Variants in GMPS observed in about 807,000 individuals in gnomAD.
The protein encoded by GMPS is guanosine monophosphate synthase.
A neutral mutation model predicts 77.9 loss-of-function variants in GMPS; 15 were observed. The ratio of observed to expected loss-of-function variants is 0.19; its 90% CI spans 0.13 to 0.30. The LOEUF (loss-of-function observed/expected upper bound fraction) is 0.30, where lower values mean the gene tolerates loss of function less well. Ranked by LOEUF, GMPS falls within the 10% of genes least tolerant of loss-of-function variation. The pLI is 1.00. For missense variants in GMPS, 590 were observed against 838.8 expected (o/e 0.70, Z 3.66); for synonymous variants, 224 against 275.9 (o/e 0.81, Z 1.86).
chr3:155,912,211 CTA>C (rs1755058446), intron 7 of GMPS, among the ~76,000 whole-genome samples: 1 of 152,136 alleles, frequency 6.6e-6, no homozygotes, highest in African/African-American at 2.4e-5. Context: ...GAACATGAGT[CTA>C]TTTTTTTGAA....
chr3:155,877,495 C>T (rs1754078742), intron 1 of GMPS, among the ~76,000 whole-genome samples: 1 of 151,964 alleles, frequency 6.6e-6, no homozygotes, highest in Non-Finnish European at 1.5e-5. Context: ...CATTCTCATC[C>T]CTCCTCCCAA....
intron 3 of GMPS, among the ~76,000 whole-genome samples, chr3:155,902,237 A>G (rs1185878474): frequency 1.3e-5 from 2 of 152,088 alleles, no homozygotes; most frequent in Non-Finnish European, 2.9e-5. Context: ...AATGGACTGG[A>G]GTAGGAAATG....
intron 1 of GMPS, among the ~76,000 whole-genome samples, chr3:155,879,455 T>G (rs909216829): frequency 2.0e-5 from 3 of 151,798 alleles, no homozygotes; most frequent in Non-Finnish European, 4.4e-5. Flanking sequence ...TTAGTAGAGT[T>G]GAAGTTTTCC....
At chr3:155,936,785 T>C (rs757298987) in intron 15 of GMPS, among the ~76,000 whole-genome samples, 2 of 152,172 alleles carry the variant, frequency 1.3e-5, no homozygotes, top group Non-Finnish European at 2.9e-5. Flanking sequence ...ACAAACAGTA[T>C]TCCCCAAATA....
rs1395009367 is a variant in GMPS at position 155,937,572 on chromosome 3, C to G, written c.1981-19C>G. On this transcript the variant is annotated intron_variant, in intron 15 of 15. Coordinates refer to ENST00000496455, the MANE Select transcript of GMPS (RefSeq NM_003875.3). ...ACATGCAGTGGATGCTGACTTTTCT[C>G]TATAATTTTTTTTAATAGGTGGTAT... The G allele has an allele frequency of 8.5e-6, 9 of 1,064,906 alleles. No homozygotes were observed. Among genetic ancestry groups the G allele is most frequent in the Non-Finnish European group, 1.2e-5 (8 of 682,832 alleles). 66.0% of individuals were successfully genotyped at this position (1,064,906 alleles called of 1,614,324 possible).
intron 4 of GMPS, among the ~76,000 whole-genome samples, chr3:155,905,636 T>A (rs935901225): frequency 5.9e-5 from 9 of 152,184 alleles, no homozygotes; most frequent in African/African-American, 1.9e-4. Flanking sequence ...TTTACCTAAC[T>A]CTTTTGATTT....
intron 3 of GMPS, among the ~76,000 whole-genome samples, chr3:155,902,580 T>G (rs1227812584): frequency 6.6e-6 from 1 of 152,248 alleles, no homozygotes; most frequent in Non-Finnish European, 1.5e-5. Flanking sequence ...TGGCAAGAGC[T>G]AAATAGTTGC....
At chr3:155,937,569 T>C (rs1453183614) in intron 15 of GMPS, 22 bp from the exon 16 acceptor site, 2 of 1,025,264 alleles carry the variant, frequency 2.0e-6, no homozygotes, top group African/African-American at 3.1e-5. Flanking sequence ...TGCTGACTTT[T>C]CTCTATAATT....
At chr3:155,936,091 A>C (rs1755758930) in intron 14 of GMPS, among the ~76,000 whole-genome samples, 1 of 152,190 alleles carries the variant, frequency 6.6e-6, no homozygotes, top group Non-Finnish European at 1.5e-5. Flanking sequence ...GAATAATGAG[A>C]CTGGACTGTT....
chr3:155,870,593 C>G, upstream of GMPS: 1 of 397,774 alleles, frequency 2.5e-6, no homozygotes, highest in Non-Finnish European at 4.5e-6. Flanking sequence ...GCTGCCAAGC[C>G]GAACGGGCTC....
At chr3:155,904,320 C>A (rs1210816630) in intron 4 of GMPS, among the ~76,000 whole-genome samples, 1 of 150,512 alleles carries the variant, frequency 6.6e-6, no homozygotes, top group African/African-American at 2.4e-5. Context: ...GACGGAGTCT[C>A]CCTCTGCCAC....
upstream of GMPS, chr3:155,870,544 G>A: frequency 3.6e-6 from 1 of 276,688 alleles, no homozygotes; most frequent in Non-Finnish European, 6.8e-6. Flanking sequence ...TCGAGGGCCG[G>A]CCGGTTTGGC....
chr3:155,931,143 T>C (rs1462117499), intron 12 of GMPS, among the ~76,000 whole-genome samples: 1 of 150,790 alleles, frequency 6.6e-6, no homozygotes, highest in African/African-American at 2.4e-5. Context: ...CCAAATTAAA[T>C]ATGCTGGTTA....
rs1347316616 is a variant in GMPS at position 155,931,895 on chromosome 3, A to G, written c.1676+15A>G. ...AACGTTAACAGGTGTGTTTCACAGG[A>G]GCTAGGGTGGGGGCTTGTGTAATGG... On this transcript the variant is annotated intron_variant, in intron 13 of 15. Coordinates refer to ENST00000496455, the MANE Select transcript of GMPS (RefSeq NM_003875.3). The G allele has an allele frequency of 8.6e-7, 1 of 1,159,048 alleles. No homozygotes were observed. The highest frequency in any genetic ancestry group is 1.2e-5 in the South Asian group (1 of 80,912). The allele number at this position is 1,159,048 out of a possible 1,614,324, so 71.8% of individuals were successfully genotyped here. A position where few individuals can be genotyped will look rare whatever the true frequency, so the allele number is the denominator to read the frequency against.
intron 2 of GMPS, among the ~76,000 whole-genome samples, chr3:155,896,729 ATTTTTTTTTTTTT>A (rs1020255894): frequency 2.2e-5 from 2 of 92,032 alleles, no homozygotes; most frequent in East Asian, 6.2e-4. Flanking sequence ...CCTTACTGAG[ATTTTTTTTTTTTT>A]TTTTTTTTTT....
chr3:155,929,689 C>T (rs1464607578), intron 12 of GMPS, among the ~76,000 whole-genome samples: 6 of 121,260 alleles, frequency 4.9e-5, no homozygotes, highest in Admixed American at 3.5e-4. Flanking sequence ...AATCAATGTA[C>T]AAAAATCACA....
chr3:155,926,594 T>TA (rs895601406), intron 12 of GMPS, among the ~76,000 whole-genome samples: 6 of 150,312 alleles, frequency 4.0e-5, no homozygotes, highest in South Asian at 2.1e-4. Flanking sequence ...AAATAAAAAA[T>TA]AAAAAAAAAG....
At chr3:155,911,558 C>G (rs1283549574) in intron 7 of GMPS, among the ~76,000 whole-genome samples, 1 of 152,030 alleles carries the variant, frequency 6.6e-6, no homozygotes, top group Non-Finnish European at 1.5e-5. Flanking sequence ...TTTTCCTGGC[C>G]AGGCGCGGTG....
Position 155,898,010 on chromosome 3 carries a change from A to G in GMPS, c.293A>G (p.Lys98Arg), listed in dbSNP as rs779375199. Residue 98 changes from lysine to arginine, a missense_variant, in exon 3 of 16, where the codon AAG becomes AGG. By Grantham distance (26) the Lys-to-Arg change is conservative. Around this residue, in one of 6 missense-constraint regions of GMPS, gnomAD observed 136 missense variants for 225.6 expected, o/e 0.60. Transcript: ENST00000496455. ...GATCCAGCAATATTCACTATTGGCA[A>G]GCCTGTTCTTGGAATTTGCTATGGT... is the stretch of plus-strand genomic sequence containing the variant. The part of the protein sequence containing the change: ...WFDPAIFTIG[K>R]PVLGICYGMQ... The G allele has an allele frequency of 1.2e-6, 2 of 1,608,756 alleles. No homozygotes were observed. The highest frequency in any genetic ancestry group is 2.2e-5 in the East Asian group (1 of 44,842).
Sources: gnomAD v4.1 joint callset for allele counts (sites outside exome capture counted in the v4.1 genomes callset) on GRCh38, gnomAD v4.1.1 for gene constraint, gnomAD v4.1.1 regional missense constraint, MANE v1.5 for transcripts, NCBI Gene and HGNC (gene_info 2026-07-23, HGNC 2026-07-21) for gene names.